Variants in LNX1 observed in about 807,000 individuals in gnomAD.
LNX1 encodes the protein E3 ubiquitin-protein ligase LNX.
A neutral mutation model predicts 68.4 loss-of-function variants in LNX1; 54 were observed. The observed-to-expected ratio is 0.79, with a 90% CI of 0.63 to 0.99. The LOEUF is 0.99. Among genes scored for constraint, LNX1 ranks in the 50% least tolerant of loss-of-function variants. The pLI is 0.00. For missense variants in LNX1, 906 were observed against 926.4 expected (o/e 0.98, Z 0.29); for synonymous variants, 336 against 350.0 (o/e 0.96, Z 0.45).
chr4:53,465,800 AGTACCCT>A (rs1374597754), intron 9 of LNX1, among the ~76,000 whole-genome samples: 4 of 152,360 alleles, frequency 2.6e-5, no homozygotes, highest in African/African-American at 7.2e-5. Context: ...TATGAAACAT[AGTACCCT>A]TTTTACCACA....
intron 2 of LNX1, among the ~76,000 whole-genome samples, chr4:53,604,388 G>T (rs557994266): frequency 6.6e-6 from 1 of 152,206 alleles, no homozygotes; most frequent in East Asian, 1.9e-4. Flanking sequence ...GGGGCAAAGG[G>T]AATGTTTGGA....
At chr4:53,645,824 G>A (rs1734865127) in intron 1 of LNX1, among the ~76,000 whole-genome samples, 1 of 152,166 alleles carries the variant, frequency 6.6e-6, no homozygotes, top group Non-Finnish European at 1.5e-5. Context: ...TGTTTTGAAT[G>A]AATATCTGAA....
upstream of LNX1, among the ~76,000 whole-genome samples, chr4:53,592,415 TC>T (rs200927489): frequency 6.5e-3 from 983 of 152,206 alleles, 14 homozygotes; most frequent in African/African-American, 0.023. Context: ...CTGGGAGGTA[TC>T]CCAGGACTGT....
chr4:53,498,348 G>C (rs541723920), intron 5 of LNX1, among the ~76,000 whole-genome samples: 1 of 152,202 alleles, frequency 6.6e-6, no homozygotes, highest in South Asian at 2.1e-4. Flanking sequence ...TGAAGAGGAA[G>C]ATTGAAAAAG....
chr4:53,521,673 C>T (rs1727231885), intron 2 of LNX1, among the ~76,000 whole-genome samples: 1 of 151,966 alleles, frequency 6.6e-6, no homozygotes, highest in Non-Finnish European at 1.5e-5. Flanking sequence ...AACATATTCC[C>T]AAAAATTGTG....
chr4:53,497,238 C>G (rs1725131563), intron 5 of LNX1, among the ~76,000 whole-genome samples: 1 of 152,100 alleles, frequency 6.6e-6, no homozygotes, highest in South Asian at 2.1e-4. Context: ...CTACACAGGC[C>G]CAGCCAGAGC....
intron 2 of LNX1, among the ~76,000 whole-genome samples, chr4:53,599,408 G>A (rs1732896326): frequency 6.6e-6 from 1 of 152,106 alleles, no homozygotes; most frequent in South Asian, 2.1e-4. Flanking sequence ...ACCCTATATG[G>A]TCTAAAAAGG....
At chr4:53,488,847 A>C (rs996042712) in intron 6 of LNX1, among the ~76,000 whole-genome samples, 5 of 152,160 alleles carry the variant, frequency 3.3e-5, no homozygotes, top group Admixed American at 6.5e-5. Context: ...CAAAGTCATC[A>C]GTCATTCCGG....
chr4:53,605,641 GT>G (rs796667980), intron 2 of LNX1, among the ~76,000 whole-genome samples: 8 of 152,014 alleles, frequency 5.3e-5, no homozygotes, highest in East Asian at 3.9e-4. Flanking sequence ...CTGTATTCAT[GT>G]TTTTTTTAAA....
chr4:53,629,190 A>G (rs1343047762), intron 1 of LNX1, among the ~76,000 whole-genome samples: 10 of 152,064 alleles, frequency 6.6e-5, no homozygotes, highest in Non-Finnish European at 1.5e-5. Flanking sequence ...CACGGCAAAT[A>G]TACAGGTTTA....
intron 2 of LNX1, among the ~76,000 whole-genome samples, chr4:53,538,581 A>G (rs1356516076): frequency 5.3e-5 from 8 of 152,214 alleles, no homozygotes; most frequent in Non-Finnish European, 1.2e-4. Context: ...GAGTCAATCC[A>G]CTTGCTCTGT....
chr4:53,645,273 A>C (rs1229851786), intron 1 of LNX1, among the ~76,000 whole-genome samples: 4 of 152,176 alleles, frequency 2.6e-5, no homozygotes, highest in African/African-American at 9.7e-5. Flanking sequence ...CCCCAGGAAC[A>C]TTCTAGAAGA....
intron 1 of LNX1, among the ~76,000 whole-genome samples, chr4:53,650,504 A>G (rs1360085494): frequency 6.6e-6 from 1 of 152,178 alleles, no homozygotes; most frequent in Non-Finnish European, 1.5e-5. Flanking sequence ...ACAAATGTGG[A>G]AAGGGAGAAA....
At chr4:53,586,432 A>C (rs923658081) in intron 1 of LNX1, among the ~76,000 whole-genome samples, 1 of 152,204 alleles carries the variant, frequency 6.6e-6, no homozygotes, top group African/African-American at 2.4e-5. Context: ...AAATTCTTGG[A>C]GAGTTTCGAC....
At chr4:53,486,875 C>T (rs1430530782) in intron 6 of LNX1, among the ~76,000 whole-genome samples, 1 of 151,744 alleles carries the variant, frequency 6.6e-6, no homozygotes, top group East Asian at 1.9e-4. Context: ...ACTGTTTTGG[C>T]ATTGCATGAA....
At chr4:53,491,719 T>C (rs1035615427) in intron 6 of LNX1, among the ~76,000 whole-genome samples, 7 of 152,158 alleles carry the variant, frequency 4.6e-5, no homozygotes, top group Non-Finnish European at 8.8e-5. Flanking sequence ...TTTGACTCCA[T>C]TTACTTATTT....
At chr4:53,507,713 AGCATGGCT>A in intron 3 of LNX1, among the ~76,000 whole-genome samples, 1 of 152,324 alleles carries the variant, frequency 6.6e-6, no homozygotes, top group South Asian at 2.1e-4. Context: ...TTTCTTGAGC[AGCATGGCT>A]GAAAAATTAC....
At chr4:53,595,727 G>C (rs1317610282), upstream of LNX1, among the ~76,000 whole-genome samples, 1 of 152,150 alleles carries the variant, frequency 6.6e-6, no homozygotes, top group South Asian at 2.1e-4. Flanking sequence ...TCTAAGGGGG[G>C]AAGGAGGTCT....
chr4:53,593,893 C>T (rs1732627089), upstream of LNX1: 2 of 152,098 alleles, frequency 1.3e-5, no homozygotes, highest in African/African-American at 4.8e-5. Flanking sequence ...TAAGGACAAG[C>T]TCATCGGCAA....
Sources: allele counts gnomAD v4.1 joint callset (sites outside exome capture counted in the v4.1 genomes callset), GRCh38; gene constraint gnomAD v4.1.1; transcripts MANE v1.5; gene names NCBI Gene and HGNC (gene_info 2026-07-23, HGNC 2026-07-21).